The following STX4 variants were observed in gnomAD, a reference collection of about 807,000 sequenced individuals.
The protein encoded by STX4 is syntaxin-4.
STX4 carries 24 observed loss-of-function variants against 41.8 expected under a neutral mutation model. The observed-to-expected ratio is 0.57, with a 90% CI of 0.42 to 0.81. The LOEUF is 0.81. STX4 is among the 30% of genes least tolerant of loss of function. The probability of loss-of-function intolerance (pLI) is 0.00; values close to 1 mark genes in which losing one functional copy is unlikely to be tolerated. For synonymous variants in STX4, 158 were observed against 156.4 expected (o/e 1.01, Z -0.08); for missense variants, 316 against 389.9 (o/e 0.81, Z 1.60).
At chr16:31,034,828 G>A (rs2056787325) in intron 4 of STX4, 142 bp from the exon 5 acceptor site, 1 of 822,622 alleles carries the variant, frequency 1.2e-6, no homozygotes, top group Non-Finnish European at 1.9e-6. Context: ...CATACCTATG[G>A]GAACTCAGTG....
At chr16:31,034,630 A>G in intron 4 of STX4, 94 bp downstream of exon 4, 1 of 1,374,138 alleles carries the variant, frequency 7.3e-7, no homozygotes, top group Non-Finnish European at 9.7e-7. Flanking sequence ...AGCCAGTGAT[A>G]TATCCAGGTC....
At chr16:31,037,671 T>TA (rs1555496717) in intron 5 of STX4, among the ~76,000 whole-genome samples, 4 of 143,480 alleles carry the variant, frequency 2.8e-5, no homozygotes, top group Non-Finnish European at 4.6e-5. Context: ...AAAAAACAAA[T>TA]AATAAATAAA....
intron 5 of STX4, 144 bp downstream of exon 5, chr16:31,035,184 A>C: frequency 1.7e-6 from 1 of 605,884 alleles, no homozygotes; most frequent in Non-Finnish European, 2.7e-6. Flanking sequence ...GCTCAGAGAG[A>C]GAAAGAACTT....
At chr16:31,037,530 C>T (rs575296170) in intron 5 of STX4, among the ~76,000 whole-genome samples, 70 of 150,818 alleles carry the variant, frequency 4.6e-4, no homozygotes, top group African/African-American at 1.5e-3. Flanking sequence ...CGTGGTGGCG[C>T]GTGCCTGTAG....
In STX4 at chr16:31,037,062, C is replaced by CCA. The variant is rs555736237; in HGVS notation, c.379-863_379-862insAC. ...CTGGGCAATATAGTGAGACCCCCCC[C>CCA]CCTTTTTTTTTTTTCCTTTGAGACA... is the stretch of plus-strand genomic sequence containing the variant. On this transcript the variant is annotated intron_variant, in intron 5 of 10. Transcript: ENST00000313843. Among the ~76,000 whole-genome samples, 29 of 144,880 alleles carry CCA rather than the reference C, an allele frequency of 2.0e-4. 1 individual carries two copies. In the East Asian group the frequency reaches 5.7e-3, roughly 28 times the overall value.
At chr16:31,036,998 G>A (rs2056803947) in intron 5 of STX4, among the ~76,000 whole-genome samples, 1 of 151,290 alleles carries the variant, frequency 6.6e-6, no homozygotes. Flanking sequence ...TGGAGGCTGA[G>A]GTGGGAGGAT....
chr16:31,034,427 C>T (rs1429376078), intron 3 of STX4, 35 bp from the exon 4 acceptor site: 1 of 1,599,546 alleles, frequency 6.3e-7, no homozygotes, highest in Non-Finnish European at 8.5e-7. Context: ...GAGGTGGGGG[C>T]TGCTGTTTGG....
chr16:31,039,492 G>A lies in STX4; in HGVS notation c.703-49G>A, dbSNP rs2056827340. On this transcript the variant is annotated intron_variant, in intron 8 of 10. Transcript: ENST00000313843. The surrounding 1 kb of genome is among the most constrained non-coding windows in gnomAD (Gnocchi z 4.1). ...ATGTTCTTCAGTCATCTGGGGTGGGGTGGGCAAAGGCATCCTTACCTCCCT... is the reference window on the plus strand; with the variant it reads ...ATGTTCTTCAGTCATCTGGGGTGGGATGGGCAAAGGCATCCTTACCTCCCT... 1.3e-6 allele frequency: 2 copies of A among 1,581,302 alleles called. No individual in the cohort carries two copies. Among genetic ancestry groups the A allele is most frequent in the Non-Finnish European group, 1.7e-6 (2 of 1,153,812 alleles).
chr16:31,038,715 T>C, intron 8 of STX4, 68 bp downstream of exon 8: 2 of 1,574,644 alleles, frequency 1.3e-6, no homozygotes, highest in Non-Finnish European at 1.7e-6. Flanking sequence ...CCCGCCACCC[T>C]TAGATTCTCT....
intron 3 of STX4, 45 bp downstream of exon 3, chr16:31,034,370 T>C (rs749522647): frequency 6.2e-7 from 1 of 1,612,060 alleles, no homozygotes; most frequent in South Asian, 1.1e-5. Flanking sequence ...GCCCCAGGGA[T>C]TGTGGGGGTT....
At chr16:31,035,824 C>T (rs766920308) in intron 5 of STX4, 1 of 152,006 alleles carries the variant, frequency 6.6e-6, no homozygotes, top group Non-Finnish European at 1.5e-5. Context: ...CTCTGTCCCT[C>T]AGGCTGGAGT....
intron 5 of STX4, among the ~76,000 whole-genome samples, chr16:31,036,068 C>T (rs938817021): frequency 4.6e-5 from 7 of 151,972 alleles, no homozygotes; most frequent in African/African-American, 1.5e-4. Flanking sequence ...CATGAGCCAC[C>T]GCGCGCGGCC....
intron 5 of STX4, among the ~76,000 whole-genome samples, chr16:31,037,138 A>G (rs2056806708): frequency 7.2e-6 from 1 of 139,730 alleles, no homozygotes. Flanking sequence ...ATCTCTGCTC[A>G]CTGCAACCTC....
chr16:31,039,774 G>C lies in STX4; in HGVS notation c.865G>C (p.Val289Leu). 6.2e-7 allele frequency: 1 copy of C among 1,614,186 alleles called. No homozygotes were observed. Among genetic ancestry groups the C allele is most frequent in the Non-Finnish European group, 8.5e-7 (1 of 1,180,028 alleles). ...CVSITVVLLA[V>L]IIGVTVVG ...GTCCATCACCGTCGTCCTCCTAGCAGTCATCATTGGCGTCACAGTGGTTGG... is the reference window on the plus strand; with the variant it reads ...GTCCATCACCGTCGTCCTCCTAGCACTCATCATTGGCGTCACAGTGGTTGG... Residue 289 changes from valine (V) to leucine (L), a missense_variant, in exon 10 of 11, where the codon GTC becomes CTC. Transcript: ENST00000313843. The surrounding 1 kb of genome is among the most constrained non-coding windows in gnomAD (Gnocchi z 4.1).
At chr16:31,036,425 GC>G (rs1200380826) in intron 5 of STX4, among the ~76,000 whole-genome samples, 1 of 152,052 alleles carries the variant, frequency 6.6e-6, no homozygotes, top group Non-Finnish European at 1.5e-5. Context: ...CACCTGTTTC[GC>G]CCAGGCAACA....
chr16:31,034,248 T>C lies in STX4; in HGVS notation c.155T>C (p.Ile52Thr), dbSNP rs2056781199. Residue 52 changes from isoleucine to threonine, a missense_variant, in exon 3 of 11, where the codon ATT becomes ACT. Ile to Thr is a moderately conservative substitution (Grantham distance 89). Coordinates refer to ENST00000313843, the MANE Select transcript of STX4 (RefSeq NM_004604.5). The part of the protein sequence containing the change: ...FHKVRTIRQT[I>T]VKLGNKVQEL... ...CAGGTCCGGACAATTCGGCAGACTA[T>C]TGTCAAACTGGGGAATAAAGTCCAG... The C allele has an allele frequency of 6.2e-7, 1 of 1,614,116 alleles. No homozygotes were observed. The highest frequency in any genetic ancestry group is 2.2e-5 in the East Asian group (1 of 44,878).
rs1446507270 is a variant in STX4 at position 31,039,809 on chromosome 16, C to T, written c.*6C>T. On this transcript the variant is annotated 3_prime_UTR_variant, in exon 10 of 11. Coordinates refer to ENST00000313843, the MANE Select transcript of STX4 (RefSeq NM_004604.5). This position sits in a 1 kb window ranked among gnomAD's most constrained non-coding sequence, Gnocchi z 4.1. Reference sequence around the variant, plus strand: ...GCGTCACAGTGGTTGGATAATGTCGCACATTGTTGGTGAGATGTTGTGGGC... The same window carrying T: ...GCGTCACAGTGGTTGGATAATGTCGTACATTGTTGGTGAGATGTTGTGGGC... The T allele has an allele frequency of 1.2e-6, 2 of 1,614,146 alleles. No individual in the cohort carries two copies. Among genetic ancestry groups the T allele is most frequent in the South Asian group, 2.2e-5 (2 of 91,090 alleles).
intron 5 of STX4, among the ~76,000 whole-genome samples, chr16:31,036,243 A>T (rs1323696529): frequency 6.6e-6 from 1 of 152,038 alleles, no homozygotes; most frequent in Non-Finnish European, 1.5e-5. Context: ...GGAAGGGTGA[A>T]GCTGGAACCA....
chr16:31,033,622 T>G lies in STX4; in HGVS notation c.-184T>G, dbSNP rs2143712356. On this transcript the variant is annotated 5_prime_UTR_variant, in exon 1 of 11. Transcript: ENST00000313843. This position sits in a 1 kb window ranked among gnomAD's most constrained non-coding sequence, Gnocchi z 5.5. ...TTCCAACCTGTGGAACCTTGGGGGG[T>G]CCCCGGGGTCGGCGCCTTCCCATTG... The G allele has an allele frequency of 6.8e-7, 1 of 1,476,938 alleles. No homozygotes were observed. The highest frequency in any genetic ancestry group is 2.3e-5 in the Admixed American group (1 of 43,440). 91.5% of individuals were successfully genotyped at this position (1,476,938 alleles called of 1,614,324 possible). A position where few individuals can be genotyped will look rare whatever the true frequency, so the allele number is the denominator to read the frequency against.
Sources: allele counts gnomAD v4.1 joint callset (sites outside exome capture counted in the v4.1 genomes callset), GRCh38; gene constraint gnomAD v4.1.1; non-coding constraint Gnocchi (gnomAD v3.1); transcripts MANE v1.5; gene names NCBI Gene and HGNC (gene_info 2026-07-23, HGNC 2026-07-21).